EXOC2: variants seen among roughly 807,000 people sequenced by gnomAD.
EXOC2 encodes SEC5-like 1.
In EXOC2, 70 loss-of-function variants were observed where a neutral mutation model predicts 131.8. That is an observed-to-expected ratio of 0.53 (90% CI 0.44 to 0.65). The LOEUF (loss-of-function observed/expected upper bound fraction) is 0.65. Among genes scored for constraint, EXOC2 ranks in the 30% least tolerant of loss-of-function variants. EXOC2 has a pLI of 0.00. For missense variants in EXOC2, 923 were observed against 1,108.6 expected (o/e 0.83, Z 2.38); for synonymous variants, 411 against 398.4 (o/e 1.03, Z -0.38).
chr6:632,995 C>T lies in EXOC2; in HGVS notation c.241G>A (p.Gly81Ser), dbSNP rs772775894. Residue 81 changes from glycine to serine, a missense_variant, in exon 3 of 28, where the codon GGT becomes AGT. Physicochemically the swap from Gly to Ser is moderately conservative, Grantham distance 56. Coordinates refer to ENST00000230449, the MANE Select transcript of EXOC2 (RefSeq NM_018303.6). The stretch of plus-strand genomic sequence containing the variant: ...GAGACTGTTGAGGTTCCTCTGCCAC[C>T]TGACTTAGTGGTGACAATAATGTCT... ...KGDIIVTTKS[G>S]GRGTSTVSFK... 1 of 1,614,156 alleles carries T rather than the reference C, an allele frequency of 6.2e-7. No homozygotes were observed. The highest frequency in any genetic ancestry group is 8.5e-7 in the Non-Finnish European group (1 of 1,180,008).
At chr6:606,706 G>C (rs576163630) in intron 7 of EXOC2, among the ~76,000 whole-genome samples, 2 of 152,154 alleles carry the variant, frequency 1.3e-5, no homozygotes, top group Non-Finnish European at 2.9e-5. Context: ...GACATCTCAT[G>C]CTTTTCTTCA....
chr6:554,625 A>G (rs1041760320), intron 20 of EXOC2, among the ~76,000 whole-genome samples: 2 of 152,240 alleles, frequency 1.3e-5, no homozygotes, highest in African/African-American at 2.4e-5. Flanking sequence ...CAAGTTGTCA[A>G]CTGAAGATAT....
chr6:500,472 A>G (rs758754040), intron 23 of EXOC2, among the ~76,000 whole-genome samples: 2 of 152,220 alleles, frequency 1.3e-5, no homozygotes, highest in Admixed American at 6.5e-5. Context: ...TTTGGCAAGA[A>G]GGCTGTGAGC....
At chr6:546,348 G>A (rs536930222) in intron 22 of EXOC2, among the ~76,000 whole-genome samples, 8 of 152,118 alleles carry the variant, frequency 5.3e-5, no homozygotes, top group Non-Finnish European at 1.0e-4. Flanking sequence ...GGTTTATAAC[G>A]GGGCTTATTT....
rs576888133 is a variant in EXOC2, at chr6:534,461, G to A, written c.2239-1851C>T. On this transcript the variant is annotated intron_variant, in intron 22 of 27. Transcript: ENST00000230449. ...AGAGAGAGAGAGAGAGAGAGACAGA[G>A]ACAGACTGACTTTCAAGCTTCTAGA... Among the ~76,000 whole-genome samples, 24 of 152,098 alleles carry A rather than the reference G, an allele frequency of 1.6e-4. No homozygotes were observed. The Middle Eastern group carries it at 0.014, about 86-fold the overall frequency.
intron 27 of EXOC2, among the ~76,000 whole-genome samples, chr6:487,489 C>T (rs1050209616): frequency 2.6e-5 from 4 of 152,178 alleles, no homozygotes; most frequent in Non-Finnish European, 5.9e-5. Context: ...TCACTGCAAC[C>T]TCCACCTCCC....
chr6:652,055 CAA>C (rs779403495), intron 1 of EXOC2, among the ~76,000 whole-genome samples: 7 of 77,978 alleles, frequency 9.0e-5, no homozygotes, highest in East Asian at 4.1e-4. Flanking sequence ...GATTCCATCT[CAA>C]AAAAAAAAAA....
intron 1 of EXOC2, among the ~76,000 whole-genome samples, chr6:678,234 G>C (rs1764242543): frequency 1.3e-5 from 2 of 152,168 alleles, no homozygotes; most frequent in African/African-American, 4.8e-5. Context: ...ACTTAACCAA[G>C]AGTCAGAAGG....
chr6:599,334 T>A, intron 7 of EXOC2, 109 bp from the exon 8 acceptor site: 1 of 1,037,872 alleles, frequency 9.6e-7, no homozygotes, highest in Non-Finnish European at 1.3e-6. Context: ...AGTTTTACGT[T>A]AAAACTCAGA....
intron 1 of EXOC2, among the ~76,000 whole-genome samples, chr6:661,646 C>T: frequency 6.6e-6 from 1 of 152,144 alleles, no homozygotes; most frequent in Non-Finnish European, 1.5e-5. Context: ...AGCTCTAACT[C>T]TTGAAACAAA....
intron 24 of EXOC2, 101 bp downstream of exon 24, chr6:499,544 A>AG (rs1763925979): frequency 4.1e-6 from 4 of 976,598 alleles, no homozygotes; most frequent in Middle Eastern, 3.1e-4. Context: ...ACACATTCTG[A>AG]GGGAAAAAAA....
chr6:532,645 T>C, intron 22 of EXOC2, 35 bp from the exon 23 acceptor site: 1 of 1,407,594 alleles, frequency 7.1e-7, no homozygotes, highest in Non-Finnish European at 9.3e-7. Flanking sequence ...GAGTTGCCTA[T>C]TTGAGGGTGA....
chr6:569,665 T>C (rs1270131115), intron 13 of EXOC2, among the ~76,000 whole-genome samples: 1 of 152,208 alleles, frequency 6.6e-6, no homozygotes, highest in African/African-American at 2.4e-5. Context: ...CGCTTTCCTC[T>C]AGCTCTTCAG....
chr6:640,470 G>A (rs1483818005), intron 1 of EXOC2, among the ~76,000 whole-genome samples: 2 of 152,178 alleles, frequency 1.3e-5, no homozygotes, highest in Non-Finnish European at 2.9e-5. Context: ...CCTGAATTAT[G>A]CCCACCCACC....
At chr6:655,467 C>A (rs1763030273) in intron 1 of EXOC2, among the ~76,000 whole-genome samples, 1 of 152,174 alleles carries the variant, frequency 6.6e-6, no homozygotes, top group Non-Finnish European at 1.5e-5. Flanking sequence ...TGGTCTGGAA[C>A]CAAACTTGGA....
intron 24 of EXOC2, 61 bp from the exon 25 acceptor site, chr6:497,550 A>T: frequency 6.5e-7 from 1 of 1,546,400 alleles, no homozygotes. Context: ...TTTGTTAAAG[A>T]CAAAGTTAAC....
rs1761926914 is a variant in EXOC2, at chr6:632,966, G to C, written c.270C>G (p.Phe90Leu). The part of the protein sequence containing the change: ...SGGRGTSTVS[F>L]KLLKPEKIGI... The stretch of plus-strand genomic sequence containing the variant: ...CTATTTTCTCAGGTTTGAGTAGCTT[G>C]AAAGAGACTGTTGAGGTTCCTCTGC... Residue 90 changes from phenylalanine to leucine, a missense_variant, in exon 3 of 28, where the codon TTC (phenylalanine) becomes TTG (leucine). Coordinates refer to ENST00000230449, the MANE Select transcript of EXOC2 (RefSeq NM_018303.6). 6.2e-7 allele frequency: 1 copy of C among 1,613,740 alleles called. No individual in the cohort carries two copies. The highest frequency in any genetic ancestry group is 8.5e-7 in the Non-Finnish European group (1 of 1,179,900).
At chr6:578,179 A>ATTT in intron 11 of EXOC2, among the ~76,000 whole-genome samples, 1 of 152,326 alleles carries the variant, frequency 6.6e-6, no homozygotes, top group South Asian at 2.1e-4. Flanking sequence ...TTTATAACTT[A>ATTT]ATAGAATATT....
At chr6:656,886 C>G in intron 1 of EXOC2, 1 of 1,600,352 alleles carries the variant, frequency 6.2e-7, no homozygotes, top group South Asian at 1.1e-5. Flanking sequence ...GACGGTGCCG[C>G]TGACGTGAAT....
Sources: gnomAD v4.1 joint callset for allele counts (sites outside exome capture counted in the v4.1 genomes callset) on GRCh38, gnomAD v4.1.1 for gene constraint, MANE v1.5 for transcripts, NCBI Gene and HGNC (gene_info 2026-07-23, HGNC 2026-07-21) for gene names.